Variants in CACNA2D3 observed in about 807,000 individuals in gnomAD.
CACNA2D3 encodes the protein calcium voltage-gated channel auxiliary subunit alpha2delta 3, also known as voltage-dependent calcium channel subunit alpha-2/delta-3.
In CACNA2D3, 60 loss-of-function variants were observed where a neutral mutation model predicts 160.6. The ratio of observed to expected loss-of-function variants is 0.37; its 90% CI spans 0.30 to 0.46. The LOEUF is 0.46. Among genes scored for constraint, CACNA2D3 ranks in the 20% least tolerant of loss-of-function variants. The probability of loss-of-function intolerance (pLI) is 1.00; values close to 1 mark genes in which losing one functional copy is unlikely to be tolerated. For missense variants in CACNA2D3, 1,205 were observed against 1,365.0 expected (o/e 0.88, Z 1.85); for synonymous variants, 558 against 492.9 (o/e 1.13, Z -1.75).
intron 27 of CACNA2D3, among the ~76,000 whole-genome samples, chr3:54,960,928 T>A (rs192446100): frequency 1.3e-5 from 2 of 152,220 alleles, no homozygotes; most frequent in African/African-American, 4.8e-5. Context: ...TCACATTTGA[T>A]GTAAAGAAGG....
chr3:54,976,047 A>G (rs945986660), intron 29 of CACNA2D3, among the ~76,000 whole-genome samples: 2 of 139,936 alleles, frequency 1.4e-5, no homozygotes, highest in East Asian at 4.0e-4. Flanking sequence ...ATATAGGTAT[A>G]GATATAGATA....
At chr3:54,457,533 G>A (rs965646122) in intron 4 of CACNA2D3, among the ~76,000 whole-genome samples, 1 of 152,020 alleles carries the variant, frequency 6.6e-6, no homozygotes, top group Non-Finnish European at 1.5e-5. Flanking sequence ...GTCTTCTGCA[G>A]CTGTTGGATG....
At chr3:54,484,691 T>C (rs1401420674) in intron 4 of CACNA2D3, among the ~76,000 whole-genome samples, 10 of 152,184 alleles carry the variant, frequency 6.6e-5, no homozygotes, top group African/African-American at 2.4e-4. Context: ...GCTTCTTAAC[T>C]CTTGTAACTG....
chr3:54,627,043 C>T (rs1038380420), intron 9 of CACNA2D3, among the ~76,000 whole-genome samples: 1 of 152,218 alleles, frequency 6.6e-6, no homozygotes, highest in Non-Finnish European at 1.5e-5. Flanking sequence ...GGATTTCTAG[C>T]CTGTGTCTGT....
At chr3:54,835,225 C>T (rs1266080139) in intron 14 of CACNA2D3, among the ~76,000 whole-genome samples, 1 of 152,210 alleles carries the variant, frequency 6.6e-6, no homozygotes, top group African/African-American at 2.4e-5. Flanking sequence ...GCCCCCTCCA[C>T]CCCTGTTGGG....
At chr3:54,305,113 C>T (rs1444980983) in intron 2 of CACNA2D3, among the ~76,000 whole-genome samples, 1 of 152,158 alleles carries the variant, frequency 6.6e-6, no homozygotes, top group East Asian at 1.9e-4. Flanking sequence ...TAATTCATGT[C>T]TTGAACATAA....
chr3:54,862,162 CA>C (rs1351929364), intron 17 of CACNA2D3, among the ~76,000 whole-genome samples: 1 of 152,068 alleles, frequency 6.6e-6, no homozygotes. Context: ...CTGTAAAGCA[CA>C]GTATCCTCAG....
intron 11 of CACNA2D3, among the ~76,000 whole-genome samples, chr3:54,740,471 G>C (rs1273988782): frequency 2.0e-5 from 3 of 152,116 alleles, no homozygotes; most frequent in African/African-American, 7.2e-5. Flanking sequence ...CATAGTGGGA[G>C]TTGAGGATCT....
intron 11 of CACNA2D3, among the ~76,000 whole-genome samples, chr3:54,649,505 C>T (rs931186006): frequency 6.6e-6 from 1 of 152,218 alleles, no homozygotes; most frequent in Non-Finnish European, 1.5e-5. Context: ...GGCTTATAAA[C>T]AACAGGAATT....
intron 35 of CACNA2D3, among the ~76,000 whole-genome samples, chr3:55,040,796 T>C (rs1703943281): frequency 6.6e-6 from 1 of 152,172 alleles, no homozygotes; most frequent in African/African-American, 2.4e-5. Flanking sequence ...GAGTGCTTTT[T>C]TCAGTTATAC....
chr3:54,927,075 A>G (rs992816957), intron 27 of CACNA2D3, among the ~76,000 whole-genome samples: 2 of 152,244 alleles, frequency 1.3e-5, no homozygotes, highest in Admixed American at 6.5e-5. Context: ...AACTCAAAAT[A>G]GTTATCTACT....
intron 5 of CACNA2D3, among the ~76,000 whole-genome samples, chr3:54,533,358 C>T (rs1183471712): frequency 8.8e-5 from 9 of 101,816 alleles, no homozygotes; most frequent in African/African-American, 3.2e-4. Flanking sequence ...TTTTTTGAGA[C>T]AGAGTCTCAT....
chr3:54,753,321 G>C (rs1005738812), intron 12 of CACNA2D3, among the ~76,000 whole-genome samples: 3 of 152,174 alleles, frequency 2.0e-5, no homozygotes, highest in African/African-American at 4.8e-5. Flanking sequence ...CTATAGGTGG[G>C]GCTTCAAGAC....
At chr3:54,475,809 T>TGTGTGTGTGTGTG (rs138448154) in intron 4 of CACNA2D3, among the ~76,000 whole-genome samples, 7 of 142,726 alleles carry the variant, frequency 4.9e-5, no homozygotes, top group African/African-American at 7.9e-5. Context: ...TGGTTACCAT[T>TGTGTGTGTGTGTG]TGTGTGTGTG....
intron 13 of CACNA2D3, among the ~76,000 whole-genome samples, chr3:54,769,023 A>G (rs2107108336): frequency 6.6e-6 from 1 of 152,270 alleles, no homozygotes; most frequent in South Asian, 2.1e-4. Context: ...TGCTGCTTCA[A>G]CAGGTACCTC....
intron 13 of CACNA2D3, among the ~76,000 whole-genome samples, chr3:54,787,395 A>C (rs148421700): frequency 1.3e-5 from 2 of 152,190 alleles, no homozygotes; most frequent in African/African-American, 4.8e-5. Flanking sequence ...AAGAATCTGG[A>C]CCAGAAGCAC....
intron 5 of CACNA2D3, among the ~76,000 whole-genome samples, chr3:54,530,142 G>T (rs111272562): frequency 1.9e-3 from 286 of 152,288 alleles, no homozygotes; most frequent in African/African-American, 6.6e-3. Flanking sequence ...GGATTCCTTA[G>T]CACAGTTCAG....
chr3:54,184,259 G>T (rs1043871628), intron 2 of CACNA2D3, among the ~76,000 whole-genome samples: 1 of 152,214 alleles, frequency 6.6e-6, no homozygotes, highest in Non-Finnish European at 1.5e-5. Flanking sequence ...TTCAGGCTGT[G>T]CGCTGCCTCT....
intron 4 of CACNA2D3, among the ~76,000 whole-genome samples, chr3:54,437,755 A>G (rs1422463011): frequency 1.3e-5 from 2 of 152,234 alleles, no homozygotes; most frequent in Admixed American, 1.3e-4. Context: ...TATTCATTGC[A>G]GCATGGATGA....
Sources: gnomAD v4.1 joint callset for allele counts (sites outside exome capture counted in the v4.1 genomes callset) on GRCh38, gnomAD v4.1.1 for gene constraint, MANE v1.5 for transcripts, NCBI Gene and HGNC (gene_info 2026-07-23, HGNC 2026-07-21) for gene names.